DGCR8: variants seen among roughly 807,000 people sequenced by gnomAD.
DGCR8 encodes DGCR8 microprocessor complex subunit, also known as microprocessor complex subunit DGCR8.
In DGCR8, 14 loss-of-function variants were observed where a neutral mutation model predicts 78.5. The ratio of observed to expected loss-of-function variants is 0.18; its 90% CI spans 0.12 to 0.28. DGCR8 has a LOEUF of 0.28. Ranked by LOEUF, DGCR8 falls within the 10% of genes least tolerant of loss-of-function variation. DGCR8 has a pLI of 1.00. For missense variants in DGCR8, 702 were observed against 1,022.5 expected, an observed-to-expected ratio of 0.69 and a Z score of 4.28; for synonymous variants, 399 against 402.4, an observed-to-expected ratio of 0.99 and a Z score of 0.10.
At position 20,087,235 on chromosome 22, in the gene DGCR8, A is replaced by G; in HGVS notation, c.794A>G (p.Glu265Gly). 2 of 1,613,980 alleles carry G rather than the reference A, an allele frequency of 1.2e-6. No homozygotes were observed. Among genetic ancestry groups the G allele is most frequent in the Non-Finnish European group, 1.7e-6 (2 of 1,179,904 alleles). Residue 265 changes from glutamate to glycine, a missense_variant, in exon 3 of 14, where the codon GAA becomes GGA. Glu to Gly is a moderately conservative substitution (Grantham distance 98). Transcript: ENST00000351989. The surrounding 1 kb of genome is among the most constrained non-coding windows in gnomAD (Gnocchi z 4.1). ...GCCCCCAAAAAGAGGCGAACAGAGG[A>G]AAAATATGGCGGAGACAGCGACCAT... The part of the protein sequence containing the change: ...LCAPKKRRTE[E>G]KYGGDSDHPS...
Position 20,089,880 on chromosome 22 carries a change from A to C in DGCR8, c.1023+69A>C. Reference sequence around the variant, plus strand: ...GACCAAAACGTGCACATCCACACACATGGCACCGCAGCCAAGCAGAGGCCG... The same window carrying C: ...GACCAAAACGTGCACATCCACACACCTGGCACCGCAGCCAAGCAGAGGCCG... On this transcript the variant is annotated intron_variant, in intron 4 of 13. Coordinates refer to ENST00000351989, the MANE Select transcript of DGCR8 (RefSeq NM_022720.7). This position sits in a 1 kb window ranked among gnomAD's most constrained non-coding sequence, Gnocchi z 4.9. 6.3e-7 allele frequency: 1 copy of C among 1,596,728 alleles called. No individual in the cohort carries two copies. The highest frequency in any genetic ancestry group is 8.6e-7 in the Non-Finnish European group (1 of 1,169,166).
intron 11 of DGCR8, 190 bp downstream of exon 11, chr22:20,106,888 C>T (rs1379383463): frequency 3.3e-6 from 2 of 599,054 alleles, no homozygotes; most frequent in Non-Finnish European, 6.0e-6. Flanking sequence ...CTGTCTTTTC[C>T]CTTTCCCCCG....
intron 5 of DGCR8, 120 bp downstream of exon 5, chr22:20,090,378 C>T: frequency 2.5e-6 from 3 of 1,199,506 alleles, no homozygotes; most frequent in Non-Finnish European, 3.4e-6. Context: ...GGCTGTGCAC[C>T]TCCACTGTTG....
intron 1 of DGCR8, among the ~76,000 whole-genome samples, chr22:20,083,637 T>A (rs1015105809): frequency 3.3e-5 from 5 of 152,112 alleles, no homozygotes; most frequent in Non-Finnish European, 7.4e-5. Flanking sequence ...TGGTCTCTAA[T>A]CCCCTGCTCC....
At position 20,087,997 on chromosome 22, in the gene DGCR8, T is replaced by C. The variant is rs1216111587; in HGVS notation, c.880+676T>C. Reference sequence around the variant, plus strand: ...ACCTATGAGGGTCCTGGTGGAGATGTGGGGCTCGGTAGAGGGACTGAAGAG... The same window carrying C: ...ACCTATGAGGGTCCTGGTGGAGATGCGGGGCTCGGTAGAGGGACTGAAGAG... On this transcript the variant is annotated intron_variant, in intron 3 of 13. Transcript: ENST00000351989. The surrounding 1 kb of genome is among the most constrained non-coding windows in gnomAD (Gnocchi z 4.1). 6.6e-6 allele frequency among the ~76,000 whole-genome samples: 1 copy of C among 151,634 alleles called. No individual in the cohort carries two copies. Among genetic ancestry groups the C allele is most frequent in the Non-Finnish European group, 1.5e-5 (1 of 67,920 alleles).
At chr22:20,093,908 G>T (rs1433805359) in intron 8 of DGCR8, among the ~76,000 whole-genome samples, 2 of 152,240 alleles carry the variant, frequency 1.3e-5, no homozygotes, top group Non-Finnish European at 2.9e-5. Context: ...TGATTCTCGA[G>T]GTATCTGTCA....
chr22:20,093,359 C>T (rs760888629), intron 8 of DGCR8, among the ~76,000 whole-genome samples: 2 of 151,622 alleles, frequency 1.3e-5, no homozygotes, highest in African/African-American at 4.9e-5. Flanking sequence ...GAGCTGAGAT[C>T]GTGCCACTGC....
intron 13 of DGCR8, 83 bp downstream of exon 13, chr22:20,109,086 G>A (rs2049804787): frequency 5.4e-6 from 4 of 746,950 alleles, no homozygotes; most frequent in East Asian, 2.6e-5. Flanking sequence ...CCCAGGACCC[G>A]TGCCTGAGCT....
chr22:20,093,398 C>CT (rs2049589670), intron 8 of DGCR8, among the ~76,000 whole-genome samples: 1 of 150,964 alleles, frequency 6.6e-6, no homozygotes, highest in African/African-American at 2.4e-5. Flanking sequence ...GTGCAAGACT[C>CT]TGTCTAAAAA....
chr22:20,110,758 G>A lies in DGCR8; in HGVS notation c.*650G>A, dbSNP rs2049831355. On this transcript the variant is annotated 3_prime_UTR_variant, in exon 14 of 14. Transcript: ENST00000351989. ...GGTCCCTCTCCAGTCTGGACACGAT[G>A]CCAGCAAGGATGACGTCCTGCCACC... 1 of 166,518 alleles carries A rather than the reference G, an allele frequency of 6.0e-6. No individual in the cohort carries two copies. Among genetic ancestry groups the A allele is most frequent in the South Asian group, 2.0e-4 (1 of 4,952 alleles). 10.3% of individuals were successfully genotyped at this position (166,518 alleles called of 1,614,324 possible). A position where few individuals can be genotyped will look rare whatever the true frequency, so the allele number is the denominator to read the frequency against.
At chr22:20,106,842 T>C in intron 11 of DGCR8, 144 bp downstream of exon 11, 1 of 647,684 alleles carries the variant, frequency 1.5e-6, no homozygotes, top group Non-Finnish European at 2.8e-6. Flanking sequence ...ACGTTCAGCC[T>C]AAGGCGGACT....
At position 20,089,637 on chromosome 22, in the gene DGCR8, T is replaced by G; in HGVS notation, c.881-32T>G. ...GCAACAATTCCAAGTGTTTTTACAG[T>G]GATTATAGGATGTTCTTGTCTTCCT... On this transcript the variant is annotated intron_variant, in intron 3 of 13. Coordinates refer to ENST00000351989, the MANE Select transcript of DGCR8 (RefSeq NM_022720.7). The surrounding 1 kb of genome is among the most constrained non-coding windows in gnomAD (Gnocchi z 4.9). The G allele has an allele frequency of 6.2e-7, 1 of 1,609,920 alleles. No homozygotes were observed. The highest frequency in any genetic ancestry group is 1.3e-5 in the African/African-American group (1 of 74,844).
In DGCR8 at chr22:20,101,971, G is replaced by T. The variant is rs2049707775; in HGVS notation, c.1789-4206G>T. 3 of 985,252 alleles carry T rather than the reference G, an allele frequency of 3.0e-6. No homozygotes were observed. In the South Asian group the frequency reaches 1.4e-4, roughly 46 times the overall value. 61.0% of individuals were successfully genotyped at this position (985,252 alleles called of 1,614,324 possible). ...TAAAAAGGGAAAAAAGGAACAACTGGCATCATTTCCTTTTCACAAAGCTTG... is the reference window on the plus strand; with the variant it reads ...TAAAAAGGGAAAAAAGGAACAACTGTCATCATTTCCTTTTCACAAAGCTTG... On this transcript the variant is annotated intron_variant, in intron 9 of 13. Transcript: ENST00000351989.
intron 8 of DGCR8, among the ~76,000 whole-genome samples, chr22:20,093,865 T>C (rs770652350): frequency 6.6e-6 from 1 of 152,208 alleles, no homozygotes; most frequent in African/African-American, 2.4e-5. Flanking sequence ...TAGGGTGGTG[T>C]TGGGTGTACC....
intron 1 of DGCR8, among the ~76,000 whole-genome samples, chr22:20,081,313 A>G (rs542111158): frequency 6.4e-4 from 97 of 152,332 alleles, no homozygotes; most frequent in African/African-American, 2.3e-3. Context: ...CAACACAGCA[A>G]GTGGGCTAGG....
At position 20,111,205 on chromosome 22, in the gene DGCR8, G is replaced by A. The variant is rs560281160; in HGVS notation, c.*1097G>A. Reference sequence around the variant, plus strand: ...TGTGCGATGGAAATGTGTTCCTGCCGGAGTCTGAGGCACCAGGGTGTGCTC... The same window carrying A: ...TGTGCGATGGAAATGTGTTCCTGCCAGAGTCTGAGGCACCAGGGTGTGCTC... On this transcript the variant is annotated 3_prime_UTR_variant, in exon 14 of 14. Transcript: ENST00000351989. 235 of 398,828 alleles carry A rather than the reference G, an allele frequency of 5.9e-4. 1 individual carries two copies. The East Asian group carries it at 6.6e-3, about 11-fold the overall frequency. The allele number at this position is 398,828 out of a possible 1,614,324, so 24.7% of individuals were successfully genotyped here. A position where few individuals can be genotyped will look rare whatever the true frequency, so the allele number is the denominator to read the frequency against.
At position 20,085,955 on chromosome 22, in the gene DGCR8, G is replaced by A. The variant is rs202110120; in HGVS notation, c.-9G>A. ...CTGGTCTTGTAAACTAGTCTTAAGCGCTTTTAATATGGAGACAGATGAGAG... is the reference window on the plus strand; with the variant it reads ...CTGGTCTTGTAAACTAGTCTTAAGCACTTTTAATATGGAGACAGATGAGAG... On this transcript the variant is annotated 5_prime_UTR_variant, in exon 2 of 14. Coordinates refer to ENST00000351989, the MANE Select transcript of DGCR8 (RefSeq NM_022720.7). This position sits in a 1 kb window ranked among gnomAD's most constrained non-coding sequence, Gnocchi z 6.2. 1.1e-5 allele frequency: 17 copies of A among 1,550,940 alleles called. No individual in the cohort carries two copies. The highest frequency in any genetic ancestry group is 1.7e-4 in the Middle Eastern group (1 of 5,784).
At position 20,086,870 on chromosome 22, in the gene DGCR8, C is replaced by G. The variant is rs2049490882; in HGVS notation, c.720+187C>G. 2 of 872,156 alleles carry G rather than the reference C, an allele frequency of 2.3e-6. No individual in the cohort carries two copies. Among genetic ancestry groups the G allele is most frequent in the Non-Finnish European group, 1.7e-6 (1 of 591,742 alleles). The allele number at this position is 872,156 out of a possible 1,614,324, so 54.0% of individuals were successfully genotyped here. On this transcript the variant is annotated intron_variant, in intron 2 of 13. Coordinates refer to ENST00000351989, the MANE Select transcript of DGCR8 (RefSeq NM_022720.7). This position sits in a 1 kb window ranked among gnomAD's most constrained non-coding sequence, Gnocchi z 6.4. ...AAGGAGTCCAGATTTTTAAAGTTTC[C>G]TAATGAAAAGTTTGGCCCATGGGTA...
chr22:20,090,411 C>A (rs2049541706), intron 5 of DGCR8, among the ~76,000 whole-genome samples, 153 bp downstream of exon 5: 1 of 152,224 alleles, frequency 6.6e-6, no homozygotes, highest in African/African-American at 2.4e-5. Flanking sequence ...GGCTTGTCTT[C>A]CTGTCCTTGC....
Sources: allele counts gnomAD v4.1 joint callset (sites outside exome capture counted in the v4.1 genomes callset), GRCh38; gene constraint gnomAD v4.1.1; non-coding constraint Gnocchi (gnomAD v3.1); transcripts MANE v1.5; gene names NCBI Gene and HGNC (gene_info 2026-07-23, HGNC 2026-07-21).